Variants in ARHGEF11 observed in about 807,000 individuals in gnomAD.
ARHGEF11 encodes Rho guanine nucleotide exchange factor 11, also known as Rho guanine exchange factor (GEF) 11.
Under a neutral mutation model 193.7 loss-of-function variants are expected in ARHGEF11, and 55 were observed. That is an observed-to-expected ratio of 0.28 (90% CI 0.23 to 0.36). The LOEUF (loss-of-function observed/expected upper bound fraction) is 0.36. Among genes scored for constraint, ARHGEF11 ranks in the 10% least tolerant of loss-of-function variants. The probability of loss-of-function intolerance (pLI) is 1.00; values close to 1 mark genes in which losing one functional copy is unlikely to be tolerated. For missense variants in ARHGEF11, 1,723 were observed against 2,005.6 expected (o/e 0.86, Z 2.69); for synonymous variants, 693 against 768.0 (o/e 0.90, Z 1.62).
At position 156,941,424 on chromosome 1, in the gene ARHGEF11, C is replaced by G. The variant is rs747514711; in HGVS notation, c.3462G>C (p.Leu1154=). The G allele has an allele frequency of 6.2e-7, 1 of 1,613,832 alleles. No homozygotes were observed. The highest frequency in any genetic ancestry group is 1.1e-5 in the South Asian group (1 of 91,054). Residue 1154 remains leucine, a synonymous_variant, in exon 35 of 41, where the codon CTG becomes CTC. Coordinates refer to ENST00000368194, the MANE Select transcript of ARHGEF11 (RefSeq NM_198236.3). The part of the protein sequence containing the change: ...QQGPTPSRVE[L]DDSDVFHGEP... Reference sequence around the variant, plus strand: ...CACCATGGAACACGTCTGAGTCATCCAGTTCTACCCTGAGGAAGGAAACCA... The same window carrying G: ...CACCATGGAACACGTCTGAGTCATCGAGTTCTACCCTGAGGAAGGAAACCA...
Position 156,937,717 on chromosome 1 carries a change from G to A in ARHGEF11, c.4193-221C>T, listed in dbSNP as rs561496511. Among the ~76,000 whole-genome samples, 24 of 152,302 alleles carry A rather than the reference G, an allele frequency of 1.6e-4. No homozygotes were observed. The South Asian group carries it at 4.4e-3, about 28-fold the overall frequency. On this transcript the variant is annotated intron_variant, in intron 38 of 40. Transcript: ENST00000368194. The stretch of plus-strand genomic sequence containing the variant: ...CTTGCTCAGTCTGGCCCCAAGCTGG[G>A]GGAGATGCTGAGCGATGAACTCAAG...
Position 156,937,281 on chromosome 1 carries a change from C to G in ARHGEF11, c.4408G>C (p.Glu1470Gln). The change falls in exon 39 of 41, where the codon GAG becomes CAG. Residue 1470 changes from glutamate to glutamine, a missense_variant. Physicochemically the swap from Glu to Gln is conservative, Grantham distance 29. Around this residue, in one of 5 missense-constraint regions of ARHGEF11, gnomAD observed 360 missense variants for 344.4 expected, o/e 1.05. Transcript: ENST00000368194. ...CTGTTGAGCTTGAGAGTGAGCTGCT[C>G]AATGGTATGGAAGATCATGCCCACG... Reference protein sequence around the residue: ...RDVGMIFHTIEQLTLKLNRLK... With the variant: ...RDVGMIFHTIQQLTLKLNRLK... 6.2e-7 allele frequency: 1 copy of G among 1,613,948 alleles called. No homozygotes were observed.
chr1:157,041,014 G>A (rs999935837), intron 1 of ARHGEF11, among the ~76,000 whole-genome samples: 5 of 152,184 alleles, frequency 3.3e-5, no homozygotes, highest in Non-Finnish European at 5.9e-5. Flanking sequence ...TAGTTAAGGG[G>A]AAAGCCAGGA....
intron 1 of ARHGEF11, among the ~76,000 whole-genome samples, chr1:157,001,399 T>C (rs1358445630): frequency 6.6e-6 from 1 of 152,216 alleles, no homozygotes; most frequent in Non-Finnish European, 1.5e-5. Context: ...GCCAGATCCC[T>C]GCAGCTCTCG....
chr1:157,046,231 G>GCCGCCACCGCCA (rs766191450), upstream of ARHGEF11, among the ~76,000 whole-genome samples: 9 of 144,044 alleles, frequency 6.2e-5, no homozygotes, highest in South Asian at 2.4e-4. Context: ...CGTCCCCGCC[G>GCCGCCACCGCCA]CCGCCACCGC....
In ARHGEF11 at chr1:156,934,910, T is replaced by A. The variant is rs1654797868; in HGVS notation, c.*1090A>T. 1 of 149,744 alleles carries A rather than the reference T, an allele frequency of 6.7e-6. No homozygotes were observed. The highest frequency in any genetic ancestry group is 1.9e-4 in the East Asian group (1 of 5,168). The allele number at this position is 149,744 out of a possible 1,614,324, so 9.3% of individuals were successfully genotyped here. A position where few individuals can be genotyped will look rare whatever the true frequency, so the allele number is the denominator to read the frequency against. On this transcript the variant is annotated 3_prime_UTR_variant, in exon 41 of 41. Coordinates refer to ENST00000368194, the MANE Select transcript of ARHGEF11 (RefSeq NM_198236.3). ...AGGAAGAAAATAAAAGAGTATACAT[T>A]ATCTTAACAGCAGAACAGTCATTTC...
intron 3 of ARHGEF11, among the ~76,000 whole-genome samples, chr1:156,983,590 C>T (rs12118520): frequency 2.6e-5 from 4 of 152,204 alleles, no homozygotes; most frequent in Non-Finnish European, 4.4e-5. Context: ...CTGGCATATG[C>T]TAGAGTTTTG....
In ARHGEF11 at chr1:156,947,974, G is replaced by T; in HGVS notation, c.2154-18C>A. The T allele has an allele frequency of 6.2e-7, 1 of 1,609,398 alleles. No homozygotes were observed. Among genetic ancestry groups the T allele is most frequent in the Non-Finnish European group, 8.5e-7 (1 of 1,176,372 alleles). ...CAATGCTCCTGGGGGAAAACAGGCA[G>T]CTCAGCTTCATTTAGGAGGAAGAAC... is the stretch of plus-strand genomic sequence containing the variant. On this transcript the variant is annotated intron_variant, in intron 24 of 40. Transcript: ENST00000368194.
rs746445188 is a variant in ARHGEF11 at position 156,968,051 on chromosome 1, G to A, written c.899C>T (p.Ala300Val). Residue 300 changes from alanine to valine, a missense_variant, in exon 11 of 41, where the codon GCC (alanine) becomes GTC (valine). By Grantham distance (64) the Ala-to-Val change is moderately conservative (BLOSUM62 0). Around this residue, in one of 5 missense-constraint regions of ARHGEF11, gnomAD observed 646 missense variants for 710.7 expected, o/e 0.91. Transcript: ENST00000368194. Reference protein sequence around the residue: ...DSPRTSPVIMARVAQHHRRQG... With the variant: ...DSPRTSPVIMVRVAQHHRRQG... Reference sequence around the variant, plus strand: ...CCGCCTGTGGTGCTGGGCCACCCTGGCCATGATCACAGGGGAGGTTCGAGG... The same window carrying A: ...CCGCCTGTGGTGCTGGGCCACCCTGACCATGATCACAGGGGAGGTTCGAGG... The A allele has an allele frequency of 6.2e-7, 1 of 1,614,212 alleles. No individual in the cohort carries two copies. Among genetic ancestry groups the A allele is most frequent in the South Asian group, 1.1e-5 (1 of 91,082 alleles).
chr1:156,965,140 C>T (rs1460917610), intron 11 of ARHGEF11, among the ~76,000 whole-genome samples: 1 of 152,138 alleles, frequency 6.6e-6, no homozygotes, highest in African/African-American at 2.4e-5. Context: ...ACTCTATTTG[C>T]TCTTAACACT....
At chr1:156,975,052 T>C (rs1287136305) in intron 7 of ARHGEF11, among the ~76,000 whole-genome samples, 1 of 152,238 alleles carries the variant, frequency 6.6e-6, no homozygotes, top group Non-Finnish European at 1.5e-5. Flanking sequence ...CTGGGTCATA[T>C]AGTATTGCTG....
At chr1:157,038,794 C>T (rs376500753) in intron 1 of ARHGEF11, among the ~76,000 whole-genome samples, 12 of 152,234 alleles carry the variant, frequency 7.9e-5, no homozygotes, top group Middle Eastern at 3.4e-3. Flanking sequence ...TTTGGGAGGC[C>T]GAGGTGGGCA....
intron 1 of ARHGEF11, among the ~76,000 whole-genome samples, chr1:157,034,859 T>C (rs1671715383): frequency 6.6e-6 from 1 of 152,202 alleles, no homozygotes; most frequent in Admixed American, 6.5e-5. Context: ...GCTGTATGTA[T>C]GTGCAAAAGG....
chr1:157,035,293 G>T (rs948235570), intron 1 of ARHGEF11, among the ~76,000 whole-genome samples: 12 of 152,114 alleles, frequency 7.9e-5, no homozygotes, highest in Non-Finnish European at 4.4e-5. Flanking sequence ...TCAAGCATGG[G>T]TATTCTAGTG....
chr1:157,027,900 T>A (rs984821632), intron 1 of ARHGEF11, among the ~76,000 whole-genome samples: 2 of 152,158 alleles, frequency 1.3e-5, no homozygotes, highest in Admixed American at 6.5e-5. Context: ...AAAGATAATC[T>A]AGAGATTCCA....
chr1:156,996,848 CCT>C (rs1313073211), intron 1 of ARHGEF11, among the ~76,000 whole-genome samples: 1 of 139,832 alleles, frequency 7.2e-6, no homozygotes. Flanking sequence ...AGCTTAGGAA[CCT>C]CTCTCTCTAT....
chr1:156,983,315 G>A (rs773388894), intron 3 of ARHGEF11, among the ~76,000 whole-genome samples: 2 of 152,096 alleles, frequency 1.3e-5, no homozygotes, highest in Non-Finnish European at 2.9e-5. Flanking sequence ...CTCCGGCCAC[G>A]GGTTCATGCC....
chr1:157,008,805 C>G (rs901217258), intron 1 of ARHGEF11, among the ~76,000 whole-genome samples: 1 of 152,266 alleles, frequency 6.6e-6, no homozygotes, highest in Non-Finnish European at 1.5e-5. Context: ...TCTATCTCAC[C>G]CTTCATTCAA....
At chr1:156,996,099 G>C (rs1356821086) in intron 1 of ARHGEF11, among the ~76,000 whole-genome samples, 1 of 152,142 alleles carries the variant, frequency 6.6e-6, no homozygotes, top group Non-Finnish European at 1.5e-5. Flanking sequence ...TAATTTCATA[G>C]GTTTAACAAA....
Sources: allele counts gnomAD v4.1 joint callset (sites outside exome capture counted in the v4.1 genomes callset), GRCh38; gene constraint gnomAD v4.1.1; regional missense constraint gnomAD v4.1.1; transcripts MANE v1.5; gene names NCBI Gene and HGNC (gene_info 2026-07-23, HGNC 2026-07-21).